DPF3: variants seen among roughly 807,000 people sequenced by gnomAD.
DPF3 encodes the protein double PHD fingers 3.
DPF3 carries 18 observed loss-of-function variants against 56.8 expected under a neutral mutation model. The observed-to-expected ratio is 0.32, with a 90% confidence interval of 0.22 to 0.47. DPF3 has a LOEUF of 0.47. Among genes scored for constraint, DPF3 ranks in the 20% least tolerant of loss-of-function variants. The probability of loss-of-function intolerance (pLI) is 1.00; values close to 1 mark genes in which losing one functional copy is unlikely to be tolerated. For synonymous variants in DPF3, 188 were observed against 180.2 expected (o/e 1.04, Z -0.35); for missense variants, 403 against 488.8 (o/e 0.82, Z 1.65).
At chr14:72,710,618 G>A (rs1009618214) in intron 6 of DPF3, among the ~76,000 whole-genome samples, 1 of 152,238 alleles carries the variant, frequency 6.6e-6, no homozygotes, top group Non-Finnish European at 1.5e-5. Flanking sequence ...TGATACCGGA[G>A]GTCTGATGTG....
In DPF3 at chr14:72,728,759, G is replaced by A. The variant is rs75457442; in HGVS notation, c.429+3048C>T. On this transcript the variant is annotated intron_variant, in intron 4 of 10. Coordinates refer to ENST00000556509, the MANE Select transcript of DPF3 (RefSeq NM_001280542.3). ...GCAAGCAAAACTGGCAACGGATCCT[G>A]CCCTCGAGGAGTTTACATTCTACTG... Among the ~76,000 whole-genome samples the A allele has an allele frequency of 4.8e-3, 728 of 152,176 alleles. 8 individuals are homozygous for A. Among genetic ancestry groups the A allele is most frequent in the African/African-American group, 0.017 (703 of 41,498 alleles).
chr14:72,716,714 C>T (rs1375877304), intron 5 of DPF3, among the ~76,000 whole-genome samples: 3 of 152,168 alleles, frequency 2.0e-5, no homozygotes, highest in Admixed American at 2.0e-4. Context: ...TAAACATTCG[C>T]CAAATGGATG....
chr14:72,796,427 C>T (rs954951751), intron 1 of DPF3, among the ~76,000 whole-genome samples: 2 of 152,054 alleles, frequency 1.3e-5, no homozygotes, highest in African/African-American at 2.4e-5. Context: ...CACTTGAGCC[C>T]GGGAGGCGGA....
chr14:72,764,579 C>T (rs1158287599), intron 2 of DPF3, among the ~76,000 whole-genome samples: 2 of 149,204 alleles, frequency 1.3e-5, no homozygotes, highest in Admixed American at 1.3e-4. Flanking sequence ...AGCTCCGCCT[C>T]CCGGGTTCAC....
At chr14:72,718,769 C>CTCTTTTTTTTT (rs1172947236) in intron 5 of DPF3, among the ~76,000 whole-genome samples, 3 of 14,750 alleles carry the variant, frequency 2.0e-4, no homozygotes, top group Admixed American at 8.4e-4. Flanking sequence ...TACACCCTTG[C>CTCTTTTTTTTT]TATTTTTTTT....
At chr14:72,858,801 C>T (rs1365914018) in intron 1 of DPF3, among the ~76,000 whole-genome samples, 1 of 152,184 alleles carries the variant, frequency 6.6e-6, no homozygotes, top group Non-Finnish European at 1.5e-5. Context: ...GGAGAGGTAT[C>T]TGAAATTATG....
intron 1 of DPF3, chr14:72,892,108 C>G (rs1886775068): frequency 5.3e-6 from 8 of 1,506,630 alleles, no homozygotes; most frequent in East Asian, 2.5e-5. Context: ...AGCGGGCTCC[C>G]GGGTAACTAG....
chr14:72,795,855 T>G (rs1892626683), intron 1 of DPF3, among the ~76,000 whole-genome samples: 1 of 152,224 alleles, frequency 6.6e-6, no homozygotes, highest in Admixed American at 6.5e-5. Context: ...GCCCGCACAC[T>G]TCTCTCTTCC....
At chr14:72,707,147 G>A (rs1033074204) in intron 6 of DPF3, among the ~76,000 whole-genome samples, 3 of 152,114 alleles carry the variant, frequency 2.0e-5, no homozygotes, top group African/African-American at 7.2e-5. Context: ...CCCTACAAAG[G>A]ACATGAACTC....
At chr14:72,767,915 T>C (rs1230802676) in intron 2 of DPF3, among the ~76,000 whole-genome samples, 1 of 151,586 alleles carries the variant, frequency 6.6e-6, no homozygotes, top group African/African-American at 2.4e-5. Context: ...GAGAGAGAAA[T>C]GACACCTTAC....
At chr14:72,773,097 A>AT (rs1891602889) in intron 1 of DPF3, among the ~76,000 whole-genome samples, 1 of 151,534 alleles carries the variant, frequency 6.6e-6, no homozygotes, top group Non-Finnish European at 1.5e-5. Context: ...ATTTAGAGGA[A>AT]TAAAAAAAGC....
intron 1 of DPF3, among the ~76,000 whole-genome samples, chr14:72,876,774 C>A (rs1225726856): frequency 1.3e-5 from 2 of 152,222 alleles, no homozygotes; most frequent in Admixed American, 1.3e-4. Flanking sequence ...CTCTGTCATC[C>A]CAGCCACAGG....
chr14:72,727,475 C>G (rs1889452183), intron 4 of DPF3, among the ~76,000 whole-genome samples: 1 of 151,814 alleles, frequency 6.6e-6, no homozygotes, highest in African/African-American at 2.4e-5. Context: ...ACTCAGAAGG[C>G]TGAGGCAGGA....
At chr14:72,824,203 G>A (rs1213634974) in intron 1 of DPF3, among the ~76,000 whole-genome samples, 1 of 152,310 alleles carries the variant, frequency 6.6e-6, no homozygotes, top group Non-Finnish European at 1.5e-5. Context: ...AGGAATGTCT[G>A]CCCCAAGCCC....
intron 1 of DPF3, among the ~76,000 whole-genome samples, chr14:72,869,454 G>T (rs1428224371): frequency 6.6e-6 from 1 of 152,082 alleles, no homozygotes; most frequent in Non-Finnish European, 1.5e-5. Context: ...CATGGATGAA[G>T]AAAAAAAGTG....
In DPF3 at chr14:72,781,136, G is replaced by A. The variant is rs7154229; in HGVS notation, c.33-9243C>T. Among the ~76,000 whole-genome samples, 197 of 152,306 alleles carry A rather than the reference G, an allele frequency of 1.3e-3. 2 individuals are homozygous for A. Among genetic ancestry groups the A allele is most frequent in the African/African-American group, 4.3e-3 (180 of 41,564 alleles). On this transcript the variant is annotated intron_variant, in intron 1 of 10. Transcript: ENST00000556509. Reference sequence around the variant, plus strand: ...CCATGTTTGAATGGCAGAGCTGGACGGCCCAGTTAGCAGACTTTGTTTCAT... The same window carrying A: ...CCATGTTTGAATGGCAGAGCTGGACAGCCCAGTTAGCAGACTTTGTTTCAT...
chr14:72,859,757 T>C (rs538077789), intron 1 of DPF3, among the ~76,000 whole-genome samples: 1 of 152,178 alleles, frequency 6.6e-6, no homozygotes, highest in South Asian at 2.1e-4. Flanking sequence ...AATTGCTACC[T>C]TCACAGAGTT....
intron 1 of DPF3, among the ~76,000 whole-genome samples, chr14:72,877,389 G>T (rs940905734): frequency 1.3e-5 from 2 of 152,070 alleles, no homozygotes; most frequent in African/African-American, 4.8e-5. Context: ...CCAGGACAAT[G>T]TTGGGCAATA....
chr14:72,805,071 CACACAG>C (rs1599457326), intron 1 of DPF3, among the ~76,000 whole-genome samples: 4 of 146,284 alleles, frequency 2.7e-5, no homozygotes, highest in Non-Finnish European at 6.2e-5. Context: ...CACACACAAA[CACACAG>C]ACACACACAC....
Sources: gnomAD v4.1 joint callset for allele counts (sites outside exome capture counted in the v4.1 genomes callset) on GRCh38, gnomAD v4.1.1 for gene constraint, MANE v1.5 for transcripts, NCBI Gene and HGNC (gene_info 2026-07-23, HGNC 2026-07-21) for gene names.